Variants in KCNQ5 observed in about 807,000 individuals in gnomAD.
KCNQ5 encodes potassium voltage-gated channel subfamily Q member 5.
Under a neutral mutation model 98.2 loss-of-function variants are expected in KCNQ5, and 30 were observed. The observed-to-expected ratio is 0.31, with a 90% CI of 0.23 to 0.41. KCNQ5 has a LOEUF of 0.41. Among genes scored for constraint, KCNQ5 ranks in the 10% least tolerant of loss-of-function variants. The probability of loss-of-function intolerance (pLI) is 1.00; values close to 1 mark genes in which losing one functional copy is unlikely to be tolerated. For missense variants in KCNQ5, 835 were observed against 1,182.5 expected (o/e 0.71, Z 4.31); for synonymous variants, 458 against 449.4 (o/e 1.02, Z -0.24).
intron 2 of KCNQ5, among the ~76,000 whole-genome samples, chr6:73,004,881 C>T (rs1165294947): frequency 6.6e-6 from 1 of 152,054 alleles, no homozygotes; most frequent in Admixed American, 6.5e-5. Context: ...TTTATGTGCC[C>T]TAATAAGCAG....
At chr6:72,691,487 G>T (rs571726300) in intron 1 of KCNQ5, among the ~76,000 whole-genome samples, 8 of 152,246 alleles carry the variant, frequency 5.3e-5, no homozygotes, top group Admixed American at 5.2e-4. Context: ...TGGTTGCTAA[G>T]GGCAACTGGT....
rs572307232 is a variant in KCNQ5, at chr6:72,866,442, T to C, written c.399-137466T>C. ...GCTAATTTTTTGTATTTAGTAGAGATGGGGGTTTCACAATGTTGCCCAGGC... is the reference window on the plus strand; with the variant it reads ...GCTAATTTTTTGTATTTAGTAGAGACGGGGGTTTCACAATGTTGCCCAGGC... On this transcript the variant is annotated intron_variant, in intron 1 of 13. Transcript: ENST00000370398. Among the ~76,000 whole-genome samples the C allele has an allele frequency of 1.1e-4, 16 of 151,826 alleles. No homozygotes were observed. The East Asian group carries it at 2.7e-3, about 26-fold the overall frequency.
At chr6:73,148,454 T>C (rs1294015274) in intron 10 of KCNQ5, among the ~76,000 whole-genome samples, 1 of 152,198 alleles carries the variant, frequency 6.6e-6, no homozygotes, top group African/African-American at 2.4e-5. Flanking sequence ...TGTTGCTAAT[T>C]AGCAAGCCTG....
At chr6:72,952,484 T>A (rs1253607985) in intron 1 of KCNQ5, among the ~76,000 whole-genome samples, 1 of 152,186 alleles carries the variant, frequency 6.6e-6, no homozygotes, top group Non-Finnish European at 1.5e-5. Context: ...TAGTCTAGAA[T>A]CTGTCTTGCC....
intron 1 of KCNQ5, among the ~76,000 whole-genome samples, chr6:72,767,497 CA>C (rs1305187963): frequency 1.3e-5 from 2 of 151,686 alleles, no homozygotes; most frequent in East Asian, 3.9e-4. Context: ...TTGATTTCAT[CA>C]AAGTTAAAAA....
At chr6:72,828,940 A>G (rs1332391903) in intron 1 of KCNQ5, among the ~76,000 whole-genome samples, 1 of 152,122 alleles carries the variant, frequency 6.6e-6, no homozygotes, top group East Asian at 1.9e-4. Flanking sequence ...ACAAAATAAA[A>G]TACATTTATG....
intron 1 of KCNQ5, among the ~76,000 whole-genome samples, chr6:72,746,430 T>C (rs1280757137): frequency 1.3e-5 from 2 of 152,190 alleles, no homozygotes; most frequent in Non-Finnish European, 2.9e-5. Flanking sequence ...CAGAAAGCAC[T>C]GGGAGGCAGT....
chr6:73,156,489 G>A (rs1777365752), intron 10 of KCNQ5, among the ~76,000 whole-genome samples: 1 of 152,148 alleles, frequency 6.6e-6, no homozygotes, highest in Admixed American at 6.5e-5. Context: ...GCCAGGCGTG[G>A]TGGTGCGCAC....
At chr6:72,753,680 A>G (rs1489277895) in intron 1 of KCNQ5, among the ~76,000 whole-genome samples, 2 of 152,130 alleles carry the variant, frequency 1.3e-5, no homozygotes, top group African/African-American at 4.8e-5. Flanking sequence ...TTTTTGTAAT[A>G]ATGATGGTGA....
At chr6:73,169,957 C>A in intron 11 of KCNQ5, 103 bp downstream of exon 11, 1 of 752,564 alleles carries the variant, frequency 1.3e-6, no homozygotes, top group Non-Finnish European at 2.3e-6. Flanking sequence ...CCTGGAATAA[C>A]CACTTTCCCT....
At chr6:72,725,834 G>A (rs1371003684) in intron 1 of KCNQ5, among the ~76,000 whole-genome samples, 3 of 152,222 alleles carry the variant, frequency 2.0e-5, no homozygotes, top group East Asian at 1.9e-4. Context: ...AAATGATTGT[G>A]TTTAATCACC....
At chr6:72,779,370 A>G (rs1211871745) in intron 1 of KCNQ5, among the ~76,000 whole-genome samples, 1 of 152,238 alleles carries the variant, frequency 6.6e-6, no homozygotes, top group Non-Finnish European at 1.5e-5. Flanking sequence ...GCAAGCCATC[A>G]TAAATGAATA....
At chr6:72,944,531 T>C (rs1766451361) in intron 1 of KCNQ5, among the ~76,000 whole-genome samples, 2 of 152,334 alleles carry the variant, frequency 1.3e-5, no homozygotes, top group South Asian at 4.1e-4. Flanking sequence ...TAGTGAATCA[T>C]TTTGTCATTA....
At chr6:72,665,786 G>C (rs547364132) in intron 1 of KCNQ5, among the ~76,000 whole-genome samples, 69 of 152,298 alleles carry the variant, frequency 4.5e-4, no homozygotes, top group African/African-American at 1.5e-3. Context: ...CGCACACTCT[G>C]TTGTCTTTGA....
chr6:73,116,001 A>T (rs1775474415), intron 7 of KCNQ5, among the ~76,000 whole-genome samples: 1 of 152,246 alleles, frequency 6.6e-6, no homozygotes, highest in Non-Finnish European at 1.5e-5. Context: ...AGATTTCATG[A>T]TGCATTTGAC....
intron 11 of KCNQ5, among the ~76,000 whole-genome samples, chr6:73,171,961 A>G (rs1420660124): frequency 2.0e-5 from 3 of 152,236 alleles, no homozygotes; most frequent in Non-Finnish European, 4.4e-5. Context: ...GTGAGCTGCA[A>G]GAAAGAAAAT....
At chr6:72,785,614 C>T (rs7744990) in intron 1 of KCNQ5, among the ~76,000 whole-genome samples, 81,222 of 150,508 alleles carry the variant, frequency 0.54, 22,317 homozygotes, top group Middle Eastern at 0.62. Flanking sequence ...CGCACCATTG[C>T]ACTCCAGCCT....
intron 1 of KCNQ5, among the ~76,000 whole-genome samples, chr6:72,671,118 A>T (rs1162002618): frequency 6.6e-6 from 1 of 152,138 alleles, no homozygotes; most frequent in Non-Finnish European, 1.5e-5. Context: ...TCAGTTCACG[A>T]TTGTTTAGTA....
chr6:73,036,414 A>G (rs1771436200), intron 2 of KCNQ5, among the ~76,000 whole-genome samples: 3 of 142,398 alleles, frequency 2.1e-5, no homozygotes. Context: ...AAAAAAAAAG[A>G]TATCGGACAG....
Sources: allele counts gnomAD v4.1 joint callset (sites outside exome capture counted in the v4.1 genomes callset), GRCh38; gene constraint gnomAD v4.1.1; transcripts MANE v1.5; gene names NCBI Gene and HGNC (gene_info 2026-07-23, HGNC 2026-07-21).